GABRB3: variants seen among roughly 807,000 people sequenced by gnomAD.
GABRB3 encodes the protein gamma-aminobutyric acid receptor subunit beta-3.
A neutral mutation model predicts 52.1 loss-of-function variants in GABRB3; 14 were observed. The ratio of observed to expected loss-of-function variants is 0.27; its 90% CI spans 0.18 to 0.42. GABRB3 has a LOEUF of 0.42. Among genes scored for constraint, GABRB3 ranks in the 10% least tolerant of loss-of-function variants. The pLI is 1.00. For missense variants in GABRB3, 307 were observed against 609.1 expected (o/e 0.50, Z 5.22); for synonymous variants, 260 against 232.3 (o/e 1.12, Z -1.08).
At chr15:26,609,906 T>C (rs1892004285) in intron 4 of GABRB3, among the ~76,000 whole-genome samples, 1 of 152,202 alleles carries the variant, frequency 6.6e-6, no homozygotes, top group Admixed American at 6.5e-5. Flanking sequence ...ACAGTTTCTT[T>C]TGAGTAACCA....
chr15:26,641,903 T>G (rs892232022), intron 3 of GABRB3, among the ~76,000 whole-genome samples: 1 of 152,018 alleles, frequency 6.6e-6, no homozygotes, highest in African/African-American at 2.4e-5. Context: ...CTTTTTTTTT[T>G]TTTAGAGACA....
At chr15:26,616,948 A>C (rs557973310) in intron 4 of GABRB3, among the ~76,000 whole-genome samples, 2 of 148,034 alleles carry the variant, frequency 1.4e-5, no homozygotes, top group Admixed American at 6.7e-5. Context: ...GACATACTCT[A>C]CTTCTGTTAA....
intron 3 of GABRB3, among the ~76,000 whole-genome samples, chr15:26,714,315 G>A (rs1355116966): frequency 6.6e-6 from 1 of 152,172 alleles, no homozygotes; most frequent in Non-Finnish European, 1.5e-5. Context: ...AAAAATCCGA[G>A]ACAGGTTTCA....
chr15:26,627,391 T>C (rs1244991114), intron 3 of GABRB3, among the ~76,000 whole-genome samples: 2 of 150,510 alleles, frequency 1.3e-5, no homozygotes, highest in Non-Finnish European at 3.0e-5. Context: ...AAGAAATACA[T>C]TTCACAAGGC....
intron 3 of GABRB3, among the ~76,000 whole-genome samples, chr15:26,659,249 G>A (rs1004719348): frequency 1.3e-5 from 2 of 152,206 alleles, no homozygotes; most frequent in South Asian, 2.1e-4. Context: ...AAGGCTGGGC[G>A]CAGTGGCTCA....
rs542542850 is a variant in GABRB3, at chr15:26,593,133, A to G, written c.462-9719T>C. Among the ~76,000 whole-genome samples the G allele has an allele frequency of 2.0e-5, 3 of 152,322 alleles. No individual in the cohort carries two copies. The East Asian group carries it at 5.8e-4, about 29-fold the overall frequency. On this transcript the variant is annotated intron_variant, in intron 4 of 8. Transcript: ENST00000311550. ...GTCTGGATGACCCTATTTTGAGTAG[A>G]AAGGAGAGGGCAAACTTGTAAAACC...
intron 3 of GABRB3, among the ~76,000 whole-genome samples, chr15:26,700,148 A>T (rs979555595): frequency 6.6e-6 from 1 of 152,102 alleles, no homozygotes; most frequent in Non-Finnish European, 1.5e-5. Flanking sequence ...TAACATTGGG[A>T]ATAAAAGAAG....
At chr15:26,554,203 A>ATATT (rs1567097983) in intron 8 of GABRB3, among the ~76,000 whole-genome samples, 1 of 45,786 alleles carries the variant, frequency 2.2e-5, no homozygotes, top group African/African-American at 5.6e-5. Flanking sequence ...ATATATATAT[A>ATATT]TATATAGTAG....
intron 6 of GABRB3, among the ~76,000 whole-genome samples, chr15:26,577,382 A>G (rs1219516235): frequency 1.3e-5 from 2 of 152,088 alleles, no homozygotes; most frequent in East Asian, 1.9e-4. Flanking sequence ...GCATGGTGGC[A>G]TGTGCTTGCA....
chr15:26,771,158 C>T (rs949516177), intron 3 of GABRB3, among the ~76,000 whole-genome samples: 1 of 152,178 alleles, frequency 6.6e-6, no homozygotes, highest in Non-Finnish European at 1.5e-5. Flanking sequence ...ATCTCACTAA[C>T]GTCTATTTTT....
chr15:26,772,309 C>G (rs1273851629), intron 3 of GABRB3, 93 bp downstream of exon 3: 3 of 1,149,712 alleles, frequency 2.6e-6, no homozygotes, highest in East Asian at 2.8e-5. Flanking sequence ...TCGGCCCCGG[C>G]CGAAGAGGCC....
chr15:26,635,973 T>A (rs983542516), intron 3 of GABRB3, among the ~76,000 whole-genome samples: 4 of 152,198 alleles, frequency 2.6e-5, no homozygotes, highest in African/African-American at 9.7e-5. Context: ...GAAATATTAG[T>A]TTGATAGTTG....
intron 3 of GABRB3, among the ~76,000 whole-genome samples, chr15:26,713,736 G>A (rs1330544858): frequency 6.6e-6 from 1 of 152,182 alleles, no homozygotes; most frequent in Non-Finnish European, 1.5e-5. Context: ...GTTTCCATCT[G>A]GGCACTGGTT....
rs1361367231 is a variant in GABRB3, at chr15:26,615,977, C to G, written c.461+5337G>C. 3.1e-6 allele frequency: 4 copies of G among 1,289,062 alleles called. No individual in the cohort carries two copies. In the African/African-American group the frequency reaches 4.6e-5, roughly 15 times the overall value. The allele number at this position is 1,289,062 out of a possible 1,614,324, so 79.9% of individuals were successfully genotyped here. ...GCAGGAACAGCAGGAACAACCCCAG[C>G]TCTCTGCAAACCTTCCACCATGGGG... On this transcript the variant is annotated intron_variant, in intron 4 of 8. Transcript: ENST00000311550.
chr15:26,711,794 C>T (rs1252180759), intron 3 of GABRB3, among the ~76,000 whole-genome samples: 1 of 152,098 alleles, frequency 6.6e-6, no homozygotes, highest in African/African-American at 2.4e-5. Flanking sequence ...AATGAAGTAG[C>T]GAACGTAATG....
At chr15:26,769,795 T>C (rs561895995) in intron 3 of GABRB3, among the ~76,000 whole-genome samples, 4 of 152,300 alleles carry the variant, frequency 2.6e-5, no homozygotes, top group African/African-American at 9.6e-5. Flanking sequence ...TGTGTGCCTC[T>C]GTCACTTGTT....
At chr15:26,633,346 C>T (rs1211138621) in intron 3 of GABRB3, among the ~76,000 whole-genome samples, 1 of 152,214 alleles carries the variant, frequency 6.6e-6, no homozygotes, top group African/African-American at 2.4e-5. Flanking sequence ...CCCTGACAGC[C>T]ACCCTTCCAG....
At chr15:26,572,927 G>C (rs752718876) in intron 6 of GABRB3, among the ~76,000 whole-genome samples, 1 of 152,144 alleles carries the variant, frequency 6.6e-6, no homozygotes, top group Non-Finnish European at 1.5e-5. Flanking sequence ...CCCAGATGCA[G>C]TCACCATTAT....
chr15:26,616,369 A>T (rs117246726), intron 4 of GABRB3, among the ~76,000 whole-genome samples: 1 of 152,214 alleles, frequency 6.6e-6, no homozygotes, highest in Non-Finnish European at 1.5e-5. Flanking sequence ...GTTCAAATCA[A>T]TCTCTAGAGC....
Sources: allele counts gnomAD v4.1 joint callset (sites outside exome capture counted in the v4.1 genomes callset), GRCh38; gene constraint gnomAD v4.1.1; transcripts MANE v1.5; gene names NCBI Gene and HGNC (gene_info 2026-07-23, HGNC 2026-07-21).